The following EBF3 variants were observed in gnomAD, a reference collection of about 807,000 sequenced individuals.
EBF3 encodes the protein transcription factor COE3.
Under a neutral mutation model 77.1 loss-of-function variants are expected in EBF3, and 18 were observed. That is an observed-to-expected ratio of 0.23 (90% CI 0.16 to 0.35). The LOEUF (loss-of-function observed/expected upper bound fraction) is 0.35, where lower values mean the gene tolerates loss of function less well. Among genes scored for constraint, EBF3 ranks in the 10% least tolerant of loss-of-function variants. EBF3 has a pLI of 1.00. For synonymous variants in EBF3, 350 were observed against 343.5 expected (o/e 1.02, Z -0.21); for missense variants, 558 against 860.0 (o/e 0.65, Z 4.39).
At chr10:129,921,102 C>T (rs1229011596) in intron 6 of EBF3, among the ~76,000 whole-genome samples, 6 of 152,208 alleles carry the variant, frequency 3.9e-5, no homozygotes, top group Non-Finnish European at 7.3e-5. Flanking sequence ...GTACACAAAG[C>T]AAACAAGAGA....
intron 4 of EBF3, 22 bp from the exon 5 acceptor site, chr10:129,959,029 G>T: frequency 1.3e-6 from 2 of 1,596,632 alleles, no homozygotes; most frequent in Non-Finnish European, 1.7e-6. Flanking sequence ...ACAAGCAGAG[G>T]CTGGGGTTAC....
chr10:129,960,774 G>T (rs1273795812), intron 4 of EBF3, among the ~76,000 whole-genome samples: 1 of 151,972 alleles, frequency 6.6e-6, no homozygotes, highest in Non-Finnish European at 1.5e-5. Flanking sequence ...CCTCCTCTGT[G>T]CAACAACAGA....
intron 6 of EBF3, among the ~76,000 whole-genome samples, chr10:129,914,682 C>T (rs570482819): frequency 6.6e-6 from 1 of 152,276 alleles, no homozygotes; most frequent in African/African-American, 2.4e-5. Context: ...TCTGAAAGCA[C>T]GGGGCAGGGC....
At chr10:129,939,831 C>T (rs1039682457) in intron 6 of EBF3, among the ~76,000 whole-genome samples, 10 of 152,214 alleles carry the variant, frequency 6.6e-5, no homozygotes, top group African/African-American at 1.9e-4. Context: ...AAAATGGAAC[C>T]GACCTTACGG....
intron 6 of EBF3, among the ~76,000 whole-genome samples, chr10:129,923,482 C>A (rs1231545619): frequency 6.6e-6 from 1 of 152,172 alleles, no homozygotes; most frequent in Non-Finnish European, 1.5e-5. Context: ...CAGGAGTAAA[C>A]CCTCACACAT....
chr10:129,847,639 T>C (rs1430416760), intron 11 of EBF3, among the ~76,000 whole-genome samples: 8 of 152,204 alleles, frequency 5.3e-5, no homozygotes, highest in Non-Finnish European at 7.3e-5. Context: ...CAATCAGCCA[T>C]AATGTTATGA....
In EBF3 at chr10:129,873,507, C is replaced by T; in HGVS notation, c.726G>A (p.Arg242=). The T allele has an allele frequency of 6.3e-7, 1 of 1,593,822 alleles. No individual in the cohort carries two copies. Among genetic ancestry groups the T allele is most frequent in the Non-Finnish European group, 8.6e-7 (1 of 1,167,874 alleles). The stretch of plus-strand genomic sequence containing the variant: ...CTGACGGGTCTAGGCGGCGGGCCCG[C>T]CTCCCGTGTTTGGAATTGTTGTGCA... The part of the protein sequence containing the change: ...MFVHNNSKHG[R]RARRLDPSEG... Residue 242 remains arginine (R), a synonymous_variant, in exon 8 of 17, where the codon AGG becomes AGA. Coordinates refer to ENST00000440978, the MANE Select transcript of EBF3 (RefSeq NM_001375380.1).
At chr10:129,854,886 G>A (rs114697314) in intron 10 of EBF3, among the ~76,000 whole-genome samples, 5,549 of 152,364 alleles carry the variant, frequency 0.036, 200 homozygotes, top group Admixed American at 0.087. Flanking sequence ...CACCAGGGGC[G>A]CTGCCCGCGG....
At chr10:129,899,571 G>C (rs1854639256) in intron 6 of EBF3, among the ~76,000 whole-genome samples, 1 of 152,186 alleles carries the variant, frequency 6.6e-6, no homozygotes, top group African/African-American at 2.4e-5. Flanking sequence ...AGGAGAAACG[G>C]ACATGTCCCA....
At position 129,841,276 on chromosome 10, in the gene EBF3, G is replaced by A. The variant is rs972678421; in HGVS notation, c.1373-244C>T. ...GCCAGCCGGGGCGCGCTTCGATCTC[G>A]CCGTCAGTGGCTTTCACGTTTCTCT... is the stretch of plus-strand genomic sequence containing the variant. On this transcript the variant is annotated intron_variant, in intron 13 of 16. Transcript: ENST00000440978. The surrounding 1 kb of genome is among the most constrained non-coding windows in gnomAD (Gnocchi z 4.6). Among the ~76,000 whole-genome samples, 6 of 152,106 alleles carry A rather than the reference G, an allele frequency of 3.9e-5. 1 individual carries two copies. Among genetic ancestry groups the A allele is most frequent in the South Asian group, 4.1e-4 (2 of 4,828 alleles).
rs75076423 is a variant in EBF3 at position 129,916,769 on chromosome 10, C to T, written c.555-38920G>A. Among the ~76,000 whole-genome samples, 148 of 152,304 alleles carry T rather than the reference C, an allele frequency of 9.7e-4. 1 individual carries two copies. In the East Asian group the frequency reaches 0.023, roughly 24 times the overall value. ...CCTGACCTCTCAGGGCTCCGGCTCA[C>T]GCTCAGCCTCATGGGCCACACCAGG... On this transcript the variant is annotated intron_variant, in intron 6 of 16. Transcript: ENST00000440978.
Position 129,963,207 on chromosome 10 carries a change from C to T in EBF3, c.291+160G>A. 2 of 1,220,140 alleles carry T rather than the reference C, an allele frequency of 1.6e-6. No individual in the cohort carries two copies. Among genetic ancestry groups the T allele is most frequent in the East Asian group, 2.8e-5 (1 of 35,288 alleles). 75.6% of individuals were successfully genotyped at this position (1,220,140 alleles called of 1,614,324 possible). ...AAGTCCGAGGGCGCAGAGAAGTTGC[C>T]CAGCCCTCGGCGGTCCCGGGCGGCC... On this transcript the variant is annotated intron_variant, in intron 2 of 16. Coordinates refer to ENST00000440978, the MANE Select transcript of EBF3 (RefSeq NM_001375380.1). This position sits in a 1 kb window ranked among gnomAD's most constrained non-coding sequence, Gnocchi z 7.1.
intron 6 of EBF3, among the ~76,000 whole-genome samples, chr10:129,892,949 T>C (rs548361737): frequency 1.3e-5 from 2 of 152,372 alleles, no homozygotes; most frequent in East Asian, 3.9e-4. Flanking sequence ...ATACTTCCCA[T>C]GCTCGTCATG....
chr10:129,955,960 C>T (rs1465104003), intron 6 of EBF3, among the ~76,000 whole-genome samples: 2 of 152,184 alleles, frequency 1.3e-5, no homozygotes, highest in African/African-American at 4.8e-5. Flanking sequence ...ATTTCCATGG[C>T]CACAACACTA....
chr10:129,860,668 T>C (rs978143845), intron 10 of EBF3, among the ~76,000 whole-genome samples: 1 of 152,222 alleles, frequency 6.6e-6, no homozygotes, highest in African/African-American at 2.4e-5. Context: ...GCTTGACTTG[T>C]ACTAATAACA....
intron 6 of EBF3, among the ~76,000 whole-genome samples, chr10:129,928,890 T>C (rs928543937): frequency 4.6e-5 from 7 of 152,260 alleles, no homozygotes; most frequent in African/African-American, 1.7e-4. Flanking sequence ...CAGTCTGTTC[T>C]GTGAACTTTT....
intron 6 of EBF3, among the ~76,000 whole-genome samples, chr10:129,923,011 G>A (rs1209741474): frequency 1.3e-5 from 2 of 152,206 alleles, no homozygotes; most frequent in Non-Finnish European, 2.9e-5. Context: ...TCCGGGTCTC[G>A]GCTTCTCTCT....
intron 6 of EBF3, among the ~76,000 whole-genome samples, chr10:129,894,564 C>G (rs534846831): frequency 6.6e-6 from 1 of 152,152 alleles, no homozygotes; most frequent in African/African-American, 2.4e-5. Flanking sequence ...CTCCTCAGAC[C>G]GAGCTGGAAG....
intron 6 of EBF3, among the ~76,000 whole-genome samples, chr10:129,881,971 T>A (rs577039390): frequency 3.9e-5 from 6 of 152,286 alleles, no homozygotes; most frequent in Non-Finnish European, 8.8e-5. Context: ...AGCATAAGCG[T>A]GGAGCAGCAG....
Sources: allele counts gnomAD v4.1 joint callset (sites outside exome capture counted in the v4.1 genomes callset), GRCh38; gene constraint gnomAD v4.1.1; non-coding constraint Gnocchi (gnomAD v3.1); transcripts MANE v1.5; gene names NCBI Gene and HGNC (gene_info 2026-07-23, HGNC 2026-07-21).